The following CNTRL variants were observed in gnomAD, a reference collection of about 807,000 sequenced individuals.
CNTRL encodes the protein centriolin.
A neutral mutation model predicts 303.7 loss-of-function variants in CNTRL; 233 were observed. The ratio of observed to expected loss-of-function variants is 0.77; its 90% confidence interval spans 0.69 to 0.86. The LOEUF (loss-of-function observed/expected upper bound fraction) is 0.86, where lower values mean the gene tolerates loss of function less well. Ranked by LOEUF, CNTRL falls within the 40% of genes least tolerant of loss-of-function variation. The probability of loss-of-function intolerance (pLI) is 0.00; values close to 1 mark genes in which losing one functional copy is unlikely to be tolerated. For missense variants in CNTRL, 2,524 were observed against 2,650.6 expected (o/e 0.95, Z 1.05); for synonymous variants, 900 against 922.2 (o/e 0.98, Z 0.44).
At chr9:121,150,739 G>T in intron 25 of CNTRL, 1 of 420,958 alleles carries the variant, frequency 2.4e-6, no homozygotes, top group East Asian at 3.9e-5. Flanking sequence ...GGCCAGCCCC[G>T]GTAACAGCAA....
At chr9:121,126,283 G>T (rs2050518987) in intron 14 of CNTRL, among the ~76,000 whole-genome samples, 1 of 152,104 alleles carries the variant, frequency 6.6e-6, no homozygotes, top group African/African-American at 2.4e-5. Flanking sequence ...GCACAGAATG[G>T]TTTTTCTTAG....
At chr9:121,101,257 C>T (rs1363166012) in intron 7 of CNTRL, among the ~76,000 whole-genome samples, 4 of 152,234 alleles carry the variant, frequency 2.6e-5, no homozygotes, top group East Asian at 1.9e-4. Flanking sequence ...CACTCAAAAC[C>T]GCTCAACTAC....
Position 121,115,209 on chromosome 9 carries a change from A to C in CNTRL, c.1455+9A>C, listed in dbSNP as rs770886130. On this transcript the variant is annotated intron_variant, in intron 11 of 43. Transcript: ENST00000373855. ...CTATACAACTAAAAAAGGTATGTAA[A>C]AGCAAAGCAGCAATGCTAAGAGGAA... The C allele has an allele frequency of 7.0e-7, 1 of 1,426,548 alleles. No individual in the cohort carries two copies. Among genetic ancestry groups the C allele is most frequent in the African/African-American group, 1.4e-5 (1 of 70,440 alleles). 88.4% of individuals were successfully genotyped at this position (1,426,548 alleles called of 1,614,324 possible). A position where few individuals can be genotyped will look rare whatever the true frequency, so the allele number is the denominator to read the frequency against.
intron 15 of CNTRL, among the ~76,000 whole-genome samples, chr9:121,136,806 G>A (rs566548898): frequency 6.6e-6 from 1 of 152,322 alleles, no homozygotes; most frequent in South Asian, 2.1e-4. Context: ...CTGTGGAGCT[G>A]ACAGATCTCT....
At position 121,114,132 on chromosome 9, in the gene CNTRL, C is replaced by T. The variant is rs114001890; in HGVS notation, c.1345+408C>T. Among the ~76,000 whole-genome samples, 530 of 152,356 alleles carry T rather than the reference C, an allele frequency of 3.5e-3. 5 individuals are homozygous for T. Among genetic ancestry groups the T allele is most frequent in the African/African-American group, 0.012 (505 of 41,588 alleles). ...CTGCAACAGAGCATTCTCCTCAGGC[C>T]TGGGCCGAAGGCTAGCCTCTGACTT... On this transcript the variant is annotated intron_variant, in intron 10 of 43. Coordinates refer to ENST00000373855, the MANE Select transcript of CNTRL (RefSeq NM_007018.6).
intron 7 of CNTRL, among the ~76,000 whole-genome samples, chr9:121,104,754 T>C (rs2132872442): frequency 7.3e-6 from 1 of 137,512 alleles, no homozygotes; most frequent in South Asian, 2.4e-4. Context: ...CAGGCTGGAG[T>C]GCAATGGTGC....
chr9:121,077,587 A>G (rs1379134008), intron 1 of CNTRL, among the ~76,000 whole-genome samples: 2 of 152,184 alleles, frequency 1.3e-5, no homozygotes, highest in African/African-American at 4.8e-5. Flanking sequence ...TTTACTAATC[A>G]GGAGAGGTAA....
chr9:121,134,137 T>C (rs1256532922), intron 14 of CNTRL, among the ~76,000 whole-genome samples: 3 of 152,198 alleles, frequency 2.0e-5, no homozygotes, highest in Non-Finnish European at 2.9e-5. Flanking sequence ...CATAGACACA[T>C]ACTTTTTTCC....
chr9:121,176,338 C>A (rs1296903487), intron 43 of CNTRL, among the ~76,000 whole-genome samples: 9 of 152,138 alleles, frequency 5.9e-5, no homozygotes, highest in African/African-American at 2.2e-4. Flanking sequence ...TTTAATGTGC[C>A]CAAGGTGGGC....
In CNTRL at chr9:121,112,488, A is replaced by G; in HGVS notation, c.1032A>G (p.Arg344=). 6.2e-7 allele frequency: 1 copy of G among 1,613,108 alleles called. No homozygotes were observed. The highest frequency in any genetic ancestry group is 8.5e-7 in the Non-Finnish European group (1 of 1,179,258). Residue 344 remains arginine (R), a synonymous_variant, in exon 9 of 44, where the codon CGA becomes CGG. Coordinates refer to ENST00000373855, the MANE Select transcript of CNTRL (RefSeq NM_007018.6). ...AACAGAAGACCATAGAATTAACACG[A>G]GCATGTCAGAAGCAATATGAGCTGG... ...LLKQKTIELT[R]ACQKQYELEQ...
intron 11 of CNTRL, among the ~76,000 whole-genome samples, chr9:121,116,412 C>T (rs1029311720): frequency 4.6e-5 from 7 of 151,918 alleles, no homozygotes; most frequent in Non-Finnish European, 1.5e-5. Flanking sequence ...GCCTTGACTC[C>T]TGGGCTCAGG....
rs796896457 is a variant in CNTRL, at chr9:121,159,682, CAAAAAAA to C, written c.4930-452_4930-446del. ...CTGGTGACAGAGTGAGACTCAATTTCAAAAAAAAAAAAAAAGAAAACTTCTCTGACCT... is the reference window on the plus strand; with the variant it reads ...CTGGTGACAGAGTGAGACTCAATTTCAAAAAAAAGAAAACTTCTCTGACCT... On this transcript the variant is annotated intron_variant, in intron 31 of 43. Coordinates refer to ENST00000373855, the MANE Select transcript of CNTRL (RefSeq NM_007018.6). Among the ~76,000 whole-genome samples, 20 of 103,482 alleles carry C rather than the reference CAAAAAAA, an allele frequency of 1.9e-4. No homozygotes were observed. The Admixed American group carries it at 2.0e-3, about 10-fold the overall frequency. 67.9% of individuals were successfully genotyped at this position (103,482 alleles called of 152,430 possible). A position where few individuals can be genotyped will look rare whatever the true frequency, so the allele number is the denominator to read the frequency against.
Position 121,169,828 on chromosome 9 carries a change from C to G in CNTRL, c.6276+12C>G, listed in dbSNP as rs1053991685. 6.2e-7 allele frequency: 1 copy of G among 1,608,834 alleles called. No homozygotes were observed. The highest frequency in any genetic ancestry group is 8.5e-7 in the Non-Finnish European group (1 of 1,176,460). Reference sequence around the variant, plus strand: ...AGAAAAACCTTCTTGTGAGTACCTGCTGCCGTGGCAGTTTGTGAGGAAATG... The same window carrying G: ...AGAAAAACCTTCTTGTGAGTACCTGGTGCCGTGGCAGTTTGTGAGGAAATG... On this transcript the variant is annotated intron_variant, in intron 39 of 43. Transcript: ENST00000373855.
chr9:121,096,508 G>A lies in CNTRL; in HGVS notation c.566G>A (p.Gly189Glu). The A allele has an allele frequency of 1.9e-6, 3 of 1,556,588 alleles. No homozygotes were observed. The highest frequency in any genetic ancestry group is 1.2e-5 in the South Asian group (1 of 80,058). The change falls in exon 6 of 44, where the codon GGG becomes GAG. Residue 189 changes from glycine (G) to glutamate (E), a missense_variant. Physicochemically the swap from Gly to Glu is moderately conservative, Grantham distance 98 (BLOSUM62 -2). Coordinates refer to ENST00000373855, the MANE Select transcript of CNTRL (RefSeq NM_007018.6). ...ATTGAGCATATTCCAGTATGGTTAG[G>A]GAAGAAGTTAAAATCTTTGCGAGTC... ...NEIEHIPVWL[G>E]KKLKSLRVLN...
chr9:121,096,433 G>T lies in CNTRL; in HGVS notation c.491G>T (p.Gly164Val). 2.0e-6 allele frequency: 3 copies of T among 1,533,484 alleles called. No individual in the cohort carries two copies. Among genetic ancestry groups the T allele is most frequent in the East Asian group, 2.3e-5 (1 of 43,664 alleles). The allele number at this position is 1,533,484 out of a possible 1,614,324, so 95.0% of individuals were successfully genotyped here. ...CCTTTGCTTTCCAGCAAAATTGAAG[G>T]CATAGAAAATATGTGTAATCTGCAA... ...LSYNKISKIE[G>V]IENMCNLQKL... The change falls in exon 6 of 44, where the codon GGC becomes GTC. Residue 164 changes from glycine (G) to valine (V), a missense_variant. Gly to Val is a moderately radical substitution (Grantham distance 109, BLOSUM62 -3). Transcript: ENST00000373855.
At chr9:121,149,236 C>T (rs535623587) in intron 24 of CNTRL, among the ~76,000 whole-genome samples, 3 of 152,288 alleles carry the variant, frequency 2.0e-5, no homozygotes, top group East Asian at 1.9e-4. Context: ...TGAAGTGTTA[C>T]GGGTCTGTCT....
At chr9:121,134,660 G>A (rs1005790568) in intron 14 of CNTRL, among the ~76,000 whole-genome samples, 1 of 152,180 alleles carries the variant, frequency 6.6e-6, no homozygotes, top group Non-Finnish European at 1.5e-5. Flanking sequence ...GTGTGTGTGT[G>A]TGCACATGCG....
At chr9:121,121,998 G>T (rs1211963396) in intron 12 of CNTRL, 1 of 878,788 alleles carries the variant, frequency 1.1e-6, no homozygotes, top group East Asian at 1.2e-4. Flanking sequence ...AAAGGAGGAG[G>T]AGTCAGAGAT....
At chr9:121,117,881 A>G (rs553802859) in intron 11 of CNTRL, among the ~76,000 whole-genome samples, 28 of 152,084 alleles carry the variant, frequency 1.8e-4, no homozygotes, top group Admixed American at 5.2e-4. Flanking sequence ...CGGGAGGCTG[A>G]GGCAGGAGAA....
Sources: allele counts gnomAD v4.1 joint callset (sites outside exome capture counted in the v4.1 genomes callset), GRCh38; gene constraint gnomAD v4.1.1; transcripts MANE v1.5; gene names NCBI Gene and HGNC (gene_info 2026-07-23, HGNC 2026-07-21).